The following ASAP1 variants were observed in gnomAD, a reference collection of about 807,000 sequenced individuals.
The protein encoded by ASAP1 is arf-GAP with SH3 domain, ANK repeat and PH domain-containing protein 1.
A neutral mutation model predicts 145.2 loss-of-function variants in ASAP1; 43 were observed. The ratio of observed to expected loss-of-function variants is 0.30; its 90% CI spans 0.23 to 0.38. The LOEUF (loss-of-function observed/expected upper bound fraction) is 0.38. Among genes scored for constraint, ASAP1 ranks in the 10% least tolerant of loss-of-function variants. ASAP1 has a pLI of 1.00. For missense variants in ASAP1, 1,018 were observed against 1,355.3 expected, an observed-to-expected ratio of 0.75 and a Z score of 3.91; for synonymous variants, 546 against 515.5, an observed-to-expected ratio of 1.06 and a Z score of -0.80.
intron 24 of ASAP1, among the ~76,000 whole-genome samples, chr8:130,110,487 C>T (rs1333107671): frequency 1.3e-5 from 2 of 152,204 alleles, no homozygotes; most frequent in Non-Finnish European, 2.9e-5. Context: ...ATGGGGAATG[C>T]CATTACCCAC....
intron 5 of ASAP1, among the ~76,000 whole-genome samples, chr8:130,191,316 C>T (rs554930538): frequency 1.2e-4 from 19 of 152,192 alleles, no homozygotes; most frequent in African/African-American, 4.3e-4. Context: ...GGTGTGGAAC[C>T]CAAGACTGCA....
At chr8:130,139,248 T>C (rs1006051222) in intron 13 of ASAP1, among the ~76,000 whole-genome samples, 11 of 152,082 alleles carry the variant, frequency 7.2e-5, no homozygotes, top group African/African-American at 2.4e-4. Flanking sequence ...TTCAAGTATA[T>C]GAAGGTTGTT....
chr8:130,225,597 T>C (rs772164464), intron 4 of ASAP1, among the ~76,000 whole-genome samples: 2 of 152,176 alleles, frequency 1.3e-5, no homozygotes, highest in African/African-American at 2.4e-5. Context: ...TATTTAATAT[T>C]TGATAAAAAA....
chr8:130,358,293 G>T lies in ASAP1; in HGVS notation c.60-150C>A. ...GCGCGCGGCTCCCGTCCCCGGCAGC[G>T]GCGAGAGGGAGGGAAGGAGGCGGGC... On this transcript the variant is annotated intron_variant, in intron 2 of 29. Transcript: ENST00000518721. The surrounding 1 kb of genome is among the most constrained non-coding windows in gnomAD (Gnocchi z 4.1). 2.1e-6 allele frequency: 1 copy of T among 469,798 alleles called. No homozygotes were observed. Among genetic ancestry groups the T allele is most frequent in the South Asian group, 9.0e-5 (1 of 11,064 alleles). The allele number at this position is 469,798 out of a possible 1,614,324, so 29.1% of individuals were successfully genotyped here.
chr8:130,168,288 C>T (rs1180229615), intron 10 of ASAP1, among the ~76,000 whole-genome samples: 1 of 152,008 alleles, frequency 6.6e-6, no homozygotes, highest in Non-Finnish European at 1.5e-5. Flanking sequence ...TACATTTAGA[C>T]CTAGACACTA....
At chr8:130,386,033 A>G (rs1398900588) in intron 2 of ASAP1, among the ~76,000 whole-genome samples, 1 of 152,168 alleles carries the variant, frequency 6.6e-6, no homozygotes, top group African/African-American at 2.4e-5. Context: ...AGATAGACCA[A>G]CGGGAATCAA....
intron 3 of ASAP1, among the ~76,000 whole-genome samples, chr8:130,338,213 G>T (rs1357446292): frequency 2.0e-5 from 3 of 152,176 alleles, no homozygotes; most frequent in African/African-American, 7.2e-5. Flanking sequence ...TATAGGTGAT[G>T]CTGGCAGCAG....
At chr8:130,270,993 TC>T (rs1417554937) in intron 3 of ASAP1, among the ~76,000 whole-genome samples, 1 of 152,118 alleles carries the variant, frequency 6.6e-6, no homozygotes, top group Non-Finnish European at 1.5e-5. Flanking sequence ...GCCAAACAAA[TC>T]ACACTGGGGG....
intron 1 of ASAP1, among the ~76,000 whole-genome samples, chr8:130,405,408 C>T (rs1317892389): frequency 6.6e-6 from 1 of 152,222 alleles, no homozygotes; most frequent in Non-Finnish European, 1.5e-5. Flanking sequence ...AAGGGTCTTG[C>T]AGATGCTGCC....
rs147488588 is a variant in ASAP1 at position 130,425,441 on chromosome 8, C to T, written c.-28+18019G>A. The stretch of plus-strand genomic sequence containing the variant: ...CTGAGGTATGAGAATCCTTTGAACC[C>T]GTGAGGCAGAGGTTGCAGTGAGCCG... On this transcript the variant is annotated intron_variant, in intron 1 of 29. Transcript: ENST00000518721. 2.5e-3 allele frequency among the ~76,000 whole-genome samples: 377 copies of T among 150,844 alleles called. 2 individuals carry two copies. Among genetic ancestry groups the T allele is most frequent in the African/African-American group, 8.5e-3 (349 of 40,968 alleles).
chr8:130,235,482 C>T (rs1818160134), intron 4 of ASAP1, among the ~76,000 whole-genome samples: 2 of 152,080 alleles, frequency 1.3e-5, no homozygotes, highest in Admixed American at 1.3e-4. Flanking sequence ...ATTTCACTCA[C>T]CTCCCCAAAG....
chr8:130,214,862 A>G (rs117603272), intron 4 of ASAP1, among the ~76,000 whole-genome samples, 161 bp from the exon 5 acceptor site: 42 of 152,172 alleles, frequency 2.8e-4, no homozygotes, highest in Non-Finnish European at 5.4e-4. Flanking sequence ...TACACTAAAT[A>G]TTCTAACTCA....
intron 3 of ASAP1, among the ~76,000 whole-genome samples, chr8:130,246,088 C>T (rs6993913): frequency 5.9e-5 from 9 of 152,044 alleles, no homozygotes; most frequent in East Asian, 3.9e-4. Context: ...TTAATCACTG[C>T]GAGTTGTAAA....
chr8:130,094,770 AAAC>A (rs1291270128), intron 24 of ASAP1, among the ~76,000 whole-genome samples: 1 of 152,216 alleles, frequency 6.6e-6, no homozygotes, highest in Admixed American at 6.5e-5. Context: ...CATATGAGGA[AAAC>A]AACAACAAAT....
chr8:130,098,467 C>T (rs756212700), intron 24 of ASAP1, among the ~76,000 whole-genome samples: 11 of 152,152 alleles, frequency 7.2e-5, no homozygotes, highest in South Asian at 2.1e-4. Context: ...TCTCAGCCTC[C>T]GAAGTAGCTG....
intron 3 of ASAP1, among the ~76,000 whole-genome samples, chr8:130,294,854 A>G (rs775322322): frequency 2.6e-5 from 4 of 152,252 alleles, no homozygotes; most frequent in Non-Finnish European, 5.9e-5. Context: ...AAGCCATTAA[A>G]AAGATAGTAA....
At chr8:130,337,500 A>G (rs951242095) in intron 3 of ASAP1, among the ~76,000 whole-genome samples, 4 of 152,230 alleles carry the variant, frequency 2.6e-5, no homozygotes, top group Non-Finnish European at 4.4e-5. Flanking sequence ...TAAGCATGCT[A>G]GTCCTCTCCA....
chr8:130,340,907 A>C (rs2137910849), intron 3 of ASAP1: 1 of 456,064 alleles, frequency 2.2e-6, no homozygotes, highest in Non-Finnish European at 4.4e-6. Context: ...ATGAATGACA[A>C]AATCTTTCCA....
intron 7 of ASAP1, among the ~76,000 whole-genome samples, chr8:130,184,670 T>C (rs2136199542): frequency 6.6e-6 from 1 of 152,352 alleles, no homozygotes; most frequent in South Asian, 2.1e-4. Context: ...GGGTTTCCAT[T>C]ACATGCTGAC....
Sources: gnomAD v4.1 joint callset for allele counts (sites outside exome capture counted in the v4.1 genomes callset) on GRCh38, gnomAD v4.1.1 for gene constraint, Gnocchi (gnomAD v3.1) non-coding constraint, MANE v1.5 for transcripts, NCBI Gene and HGNC (gene_info 2026-07-23, HGNC 2026-07-21) for gene names.